The following GUF1 variants were observed in gnomAD, a reference collection of about 807,000 sequenced individuals.
GUF1 encodes the protein translation factor GUF1, mitochondrial.
GUF1 carries 78 observed loss-of-function variants against 82.4 expected under a neutral mutation model. The ratio of observed to expected loss-of-function variants is 0.95; its 90% confidence interval spans 0.79 to 1.14. The LOEUF is 1.14. Ranked by LOEUF, GUF1 falls within the 50% of genes most tolerant of loss-of-function variation. GUF1 has a pLI of 0.00. For synonymous variants in GUF1, 279 were observed against 282.3 expected (o/e 0.99, Z 0.12); for missense variants, 814 against 798.2 (o/e 1.02, Z -0.24).
intron 15 of GUF1, among the ~76,000 whole-genome samples, chr4:44,696,029 T>C (rs1186314449): frequency 6.6e-6 from 1 of 152,202 alleles, no homozygotes; most frequent in African/African-American, 2.4e-5. Flanking sequence ...AGGAATTTCT[T>C]TTATGGTTTT....
Position 44,678,500 on chromosome 4 carries a change from T to G in GUF1, c.-123T>G. 3.8e-6 allele frequency: 3 copies of G among 790,964 alleles called. No homozygotes were observed. Among genetic ancestry groups the G allele is most frequent in the Non-Finnish European group, 5.4e-6 (3 of 558,746 alleles). The allele number at this position is 790,964 out of a possible 1,614,324, so 49.0% of individuals were successfully genotyped here. A position where few individuals can be genotyped will look rare whatever the true frequency, so the allele number is the denominator to read the frequency against. ...CAGAGCTCCCCGGGGTTCATTGTCT[T>G]CGCTTCACAGGATCTGTTTGAGTCC... is the stretch of plus-strand genomic sequence containing the variant. On this transcript the variant is annotated 5_prime_UTR_variant, in exon 1 of 17. Transcript: ENST00000281543.
At chr4:44,695,437 A>G (rs1284450930) in intron 14 of GUF1, among the ~76,000 whole-genome samples, 178 bp from the exon 15 acceptor site, 1 of 152,238 alleles carries the variant, frequency 6.6e-6, no homozygotes, top group Admixed American at 6.5e-5. Flanking sequence ...GTAATCATAC[A>G]TTACTTTTTT....
rs1715380567 is a variant in GUF1 at position 44,690,701 on chromosome 4, T to G, written c.1336-16T>G. On this transcript the variant is annotated splice_polypyrimidine_tract_variant and intron_variant, in intron 11 of 16. Coordinates refer to ENST00000281543, the MANE Select transcript of GUF1 (RefSeq NM_021927.3). ...ATATTAAGATTTTAAGTATTGCTGA[T>G]TTTTCTAATTTTTAGGAACATAGAG... 1 of 1,456,860 alleles carries G rather than the reference T, an allele frequency of 6.9e-7. No homozygotes were observed. The highest frequency in any genetic ancestry group is 9.4e-7 in the Non-Finnish European group (1 of 1,059,362). 90.2% of individuals were successfully genotyped at this position (1,456,860 alleles called of 1,614,324 possible).
At chr4:44,689,484 A>G in intron 10 of GUF1, 75 bp downstream of exon 10, 1 of 1,420,562 alleles carries the variant, frequency 7.0e-7, no homozygotes, top group Non-Finnish European at 9.3e-7. Context: ...TTTATAGGAA[A>G]GGGAGGTTTT....
intron 16 of GUF1, among the ~76,000 whole-genome samples, chr4:44,697,704 T>C (rs1342855880): frequency 4.7e-5 from 5 of 105,464 alleles, no homozygotes; most frequent in Admixed American, 9.0e-5. Flanking sequence ...AAGGAAGATT[T>C]TTACAACAGT....
intron 6 of GUF1, among the ~76,000 whole-genome samples, chr4:44,683,802 T>C (rs1191631999): frequency 1.1e-4 from 16 of 152,114 alleles, no homozygotes; most frequent in Non-Finnish European, 5.9e-5. Context: ...GCTACCATTT[T>C]AAATTTGAAT....
At position 44,700,710 on chromosome 4, in the gene GUF1, TAC is replaced by T. The variant is rs1296099291; in HGVS notation, c.*2031_*2032del. 4 of 152,248 alleles carry T rather than the reference TAC, an allele frequency of 2.6e-5. No individual in the cohort carries two copies. Among genetic ancestry groups the T allele is most frequent in the Non-Finnish European group, 4.4e-5 (3 of 68,046 alleles). The allele number at this position is 152,248 out of a possible 1,614,324, so 9.4% of individuals were successfully genotyped here. A position where few individuals can be genotyped will look rare whatever the true frequency, so the allele number is the denominator to read the frequency against. On this transcript the variant is annotated 3_prime_UTR_variant, in exon 17 of 17. Coordinates refer to ENST00000281543, the MANE Select transcript of GUF1 (RefSeq NM_021927.3). ...AGAGCTGTCTCAGATATTTTGAGCTTACAGTTATTGTGAAATCATTTTAATTA... is the reference window on the plus strand; with the variant it reads ...AGAGCTGTCTCAGATATTTTGAGCTTAGTTATTGTGAAATCATTTTAATTA...
At chr4:44,696,974 C>T (rs775518793) in intron 15 of GUF1, among the ~76,000 whole-genome samples, 80 of 152,164 alleles carry the variant, frequency 5.3e-4, no homozygotes, top group Non-Finnish European at 1.1e-3. Flanking sequence ...ATATATCAAG[C>T]TTCCTAGCCA....
intron 6 of GUF1, among the ~76,000 whole-genome samples, chr4:44,684,122 G>A (rs1394898051): frequency 6.6e-6 from 1 of 152,024 alleles, no homozygotes; most frequent in African/African-American, 2.4e-5. Context: ...CAATAAATAA[G>A]TAAACAAAGA....
At position 44,699,914 on chromosome 4, in the gene GUF1, C is replaced by T. The variant is rs1716114941; in HGVS notation, c.*1233C>T. ...ATAATTATTGTCTAAATTTCATAAT[C>T]GAAGCGATTTTAGAGTAGTTAACTT... is the stretch of plus-strand genomic sequence containing the variant. On this transcript the variant is annotated 3_prime_UTR_variant, in exon 17 of 17. Transcript: ENST00000281543. The T allele has an allele frequency of 6.6e-6, 1 of 152,142 alleles. No homozygotes were observed. Among genetic ancestry groups the T allele is most frequent in the South Asian group, 2.1e-4 (1 of 4,834 alleles). The allele number at this position is 152,142 out of a possible 1,614,324, so 9.4% of individuals were successfully genotyped here. A position where few individuals can be genotyped will look rare whatever the true frequency, so the allele number is the denominator to read the frequency against.
Position 44,700,553 on chromosome 4 carries a change from T to C in GUF1, c.*1872T>C, listed in dbSNP as rs560960739. ...TACACCTTACACATACTGATTGATG[T>C]CTCATGTCTCTCTAAAATGTGTAAA... On this transcript the variant is annotated 3_prime_UTR_variant, in exon 17 of 17. Transcript: ENST00000281543. 6.6e-6 allele frequency: 1 copy of C among 152,264 alleles called. No individual in the cohort carries two copies. The highest frequency in any genetic ancestry group is 2.4e-5 in the African/African-American group (1 of 41,570). 9.4% of individuals were successfully genotyped at this position (152,264 alleles called of 1,614,324 possible). A position where few individuals can be genotyped will look rare whatever the true frequency, so the allele number is the denominator to read the frequency against.
intron 12 of GUF1, 29 bp downstream of exon 12, chr4:44,690,889 A>C (rs1169481890): frequency 6.5e-7 from 1 of 1,530,324 alleles, no homozygotes; most frequent in Non-Finnish European, 8.8e-7. Flanking sequence ...TTAATACAAA[A>C]TTAGGTTTTA....
At chr4:44,683,604 G>A (rs560718863) in intron 6 of GUF1, among the ~76,000 whole-genome samples, 13 of 152,108 alleles carry the variant, frequency 8.5e-5, no homozygotes, top group African/African-American at 2.9e-4. Flanking sequence ...CTAAAACACA[G>A]GCCTTCTGAA....
chr4:44,685,820 TCTTTTC>T, intron 6 of GUF1, 133 bp from the exon 7 acceptor site: 1 of 578,512 alleles, frequency 1.7e-6, no homozygotes. Flanking sequence ...TTTGCTTTGT[TCTTTTC>T]CTTTTGGTGT....
chr4:44,684,873 C>G (rs374090609), intron 6 of GUF1, among the ~76,000 whole-genome samples: 3 of 152,104 alleles, frequency 2.0e-5, no homozygotes, highest in Admixed American at 6.6e-5. Flanking sequence ...TTGTCAGATA[C>G]AAGAAACGAA....
chr4:44,694,911 A>G (rs1488808165), intron 14 of GUF1, among the ~76,000 whole-genome samples: 1 of 151,984 alleles, frequency 6.6e-6, no homozygotes, highest in Non-Finnish European at 1.5e-5. Flanking sequence ...GGTTCAAGCA[A>G]TTCTCCTGCC....
rs114658470 is a variant in GUF1 at position 44,697,504 on chromosome 4, G to T, written c.1872+60G>T. 620 of 842,134 alleles carry T rather than the reference G, an allele frequency of 7.4e-4. 1 individual carries two copies. The African/African-American group carries it at 9.5e-3, about 13-fold the overall frequency. 52.2% of individuals were successfully genotyped at this position (842,134 alleles called of 1,614,324 possible). On this transcript the variant is annotated intron_variant, in intron 16 of 16. Coordinates refer to ENST00000281543, the MANE Select transcript of GUF1 (RefSeq NM_021927.3). Reference sequence around the variant, plus strand: ...CTTTTATGGGCTTTAAATCAAAGGGGGCATAAACTTATTGATTTCCATTGT... The same window carrying T: ...CTTTTATGGGCTTTAAATCAAAGGGTGCATAAACTTATTGATTTCCATTGT...
At chr4:44,691,287 A>T (rs1232925766) in intron 12 of GUF1, among the ~76,000 whole-genome samples, 1 of 151,700 alleles carries the variant, frequency 6.6e-6, no homozygotes, top group East Asian at 1.9e-4. Context: ...ACCTATGTGA[A>T]ATACTCTGAT....
Position 44,698,661 on chromosome 4 carries a change from A to G in GUF1, c.1990A>G (p.Lys664Glu). The change falls in exon 17 of 17, where the codon AAA (lysine) becomes GAA (glutamate). Residue 664 changes from lysine (K) to glutamate (E), a missense_variant. Physicochemically the swap from Lys to Glu is moderately conservative, Grantham distance 56. Transcript: ENST00000281543. ...AAAAGATGCTTTTATAAAAGTTCTG[A>G]AAACACAATCTTCTAAATAATTGGT... ...VPKDAFIKVL[K>E]TQSSK The G allele has an allele frequency of 6.2e-7, 1 of 1,602,680 alleles. No individual in the cohort carries two copies. Among genetic ancestry groups the G allele is most frequent in the Non-Finnish European group, 8.5e-7 (1 of 1,176,956 alleles).
Sources: allele counts gnomAD v4.1 joint callset (sites outside exome capture counted in the v4.1 genomes callset), GRCh38; gene constraint gnomAD v4.1.1; transcripts MANE v1.5; gene names NCBI Gene and HGNC (gene_info 2026-07-23, HGNC 2026-07-21).